ADAMTSL3: variants seen among roughly 807,000 people sequenced by gnomAD.
ADAMTSL3 encodes the protein ADAMTS-like protein 3.
ADAMTSL3 carries 128 observed loss-of-function variants against 201.7 expected under a neutral mutation model. That is an observed-to-expected ratio of 0.63 (90% CI 0.55 to 0.73). The LOEUF (loss-of-function observed/expected upper bound fraction) is 0.73, where lower values mean the gene tolerates loss of function less well. Ranked by LOEUF, ADAMTSL3 falls within the 30% of genes least tolerant of loss-of-function variation. The pLI is 0.00. For missense variants in ADAMTSL3, 1,990 were observed against 2,119.6 expected (o/e 0.94, Z 1.20); for synonymous variants, 738 against 748.4 (o/e 0.99, Z 0.23).
rs574956716 is a variant in ADAMTSL3 at position 83,970,655 on chromosome 15, G to A, written c.2644+18G>A. The stretch of plus-strand genomic sequence containing the variant: ...GTGCAGTAGTAAGTATGCGGTGTCC[G>A]CGCTTCACCAAGATATGCTGATTCT... On this transcript the variant is annotated intron_variant, in intron 20 of 29. Coordinates refer to ENST00000286744, the MANE Select transcript of ADAMTSL3 (RefSeq NM_207517.3). 18 of 1,612,604 alleles carry A rather than the reference G, an allele frequency of 1.1e-5. No homozygotes were observed. Among genetic ancestry groups the A allele is most frequent in the Admixed American group, 5.0e-5 (3 of 59,890 alleles).
intron 19 of ADAMTSL3, among the ~76,000 whole-genome samples, chr15:83,968,012 C>T (rs189305807): frequency 1.3e-4 from 20 of 152,308 alleles, no homozygotes; most frequent in African/African-American, 3.6e-4. Flanking sequence ...CCCTTCCTTA[C>T]ACCTTATACA....
chr15:83,912,609 C>T (rs1455929403), intron 15 of ADAMTSL3, among the ~76,000 whole-genome samples: 1 of 152,142 alleles, frequency 6.6e-6, no homozygotes, highest in Non-Finnish European at 1.5e-5. Flanking sequence ...AGGCTTCATC[C>T]ACTCTGTAGA....
chr15:83,965,105 C>T (rs2067053511), intron 19 of ADAMTSL3, among the ~76,000 whole-genome samples: 1 of 152,146 alleles, frequency 6.6e-6, no homozygotes, highest in Non-Finnish European at 1.5e-5. Flanking sequence ...TATGAAGAAA[C>T]TGCATCAACT....
intron 2 of ADAMTSL3, among the ~76,000 whole-genome samples, chr15:83,662,578 A>C (rs1202753470): frequency 1.4e-5 from 2 of 139,742 alleles, no homozygotes; most frequent in Non-Finnish European, 3.1e-5. Context: ...AATAAAAAAA[A>C]AAAAGAAAAA....
At position 83,686,371 on chromosome 15, in the gene ADAMTSL3, C is replaced by T. The variant is rs114134704; in HGVS notation, c.70-18018C>T. On this transcript the variant is annotated intron_variant, in intron 2 of 29. Transcript: ENST00000286744. ...TCCAAGTGTCAGAAATAGATATAGT[C>T]ACACTTTGAATTATGCTTGAGTTGC... 4.0e-3 allele frequency among the ~76,000 whole-genome samples: 605 copies of T among 152,284 alleles called. 2 individuals carry two copies. The highest frequency in any genetic ancestry group is 0.014 in the African/African-American group (574 of 41,552).
rs535496701 is a variant in ADAMTSL3, at chr15:83,657,803, A to G, written c.69+1973A>G. Among the ~76,000 whole-genome samples, 3 of 152,272 alleles carry G rather than the reference A, an allele frequency of 2.0e-5. No homozygotes were observed. The East Asian group carries it at 5.8e-4, about 29-fold the overall frequency. On this transcript the variant is annotated intron_variant, in intron 2 of 29. Transcript: ENST00000286744. ...TCAGGGAGTGTGGGTGGGCATGGCT[A>G]GGTCTGTCTCACCAGAGGCCCTGAG...
chr15:83,731,255 T>C, intron 3 of ADAMTSL3, among the ~76,000 whole-genome samples: 1 of 151,896 alleles, frequency 6.6e-6, no homozygotes, highest in East Asian at 1.9e-4. Context: ...AATGGGCAAA[T>C]GGCATTTCTC....
rs1596345049 is a variant in ADAMTSL3 at position 83,877,348 on chromosome 15, T to C, written c.960+6389T>C. On this transcript the variant is annotated intron_variant, in intron 9 of 29. Transcript: ENST00000286744. ...TGAGGTATAATAGAATCAATATTTT[T>C]TCTATATGACTGTTTAATTGACCTA... Among the ~76,000 whole-genome samples, 3 of 152,380 alleles carry C rather than the reference T, an allele frequency of 2.0e-5. No homozygotes were observed. In the East Asian group the frequency reaches 5.8e-4, roughly 29 times the overall value.
chr15:84,022,774 G>A (rs140109834), intron 26 of ADAMTSL3, among the ~76,000 whole-genome samples: 114 of 152,190 alleles, frequency 7.5e-4, no homozygotes, highest in African/African-American at 2.7e-3. Context: ...CTCTTTTATC[G>A]CTTGTCTCTC....
chr15:83,897,969 G>A lies in ADAMTSL3; in HGVS notation c.1579G>A (p.Glu527Lys), dbSNP rs1315080088. The change falls in exon 14 of 30, where the codon GAA becomes AAA. Residue 527 changes from glutamate (E) to lysine (K), a missense_variant. Transcript: ENST00000286744. ...ACAACTGAAGTTACACATCAAAGAA[G>A]AATGTGTCATTCCCATCCCGTGTTA... The part of the protein sequence containing the change: ...NPQLKLHIKE[E>K]CVIPIPCYKP... 2 of 1,613,740 alleles carry A rather than the reference G, an allele frequency of 1.2e-6. No homozygotes were observed. The highest frequency in any genetic ancestry group is 8.5e-7 in the Non-Finnish European group (1 of 1,179,750).
intron 21 of ADAMTSL3, among the ~76,000 whole-genome samples, chr15:83,986,899 C>G (rs1283577318): frequency 6.6e-6 from 1 of 152,172 alleles, no homozygotes; most frequent in African/African-American, 2.4e-5. Flanking sequence ...ATATGTGTTA[C>G]AGAATTCAAC....
intron 4 of ADAMTSL3, among the ~76,000 whole-genome samples, chr15:83,781,527 A>G (rs1452202552): frequency 1.3e-5 from 2 of 152,206 alleles, no homozygotes; most frequent in African/African-American, 4.8e-5. Context: ...CGATACCATT[A>G]TGGACATTGG....
intron 9 of ADAMTSL3, among the ~76,000 whole-genome samples, chr15:83,876,546 T>C (rs1241108096): frequency 6.6e-6 from 1 of 152,210 alleles, no homozygotes; most frequent in Non-Finnish European, 1.5e-5. Context: ...TACTTAGTGC[T>C]GTTTGTATCC....
intron 4 of ADAMTSL3, among the ~76,000 whole-genome samples, chr15:83,787,578 G>T (rs1172300847): frequency 6.6e-6 from 1 of 151,982 alleles, no homozygotes; most frequent in Non-Finnish European, 1.5e-5. Flanking sequence ...ACTCATGTAG[G>T]CTTGAGGTGA....
intron 2 of ADAMTSL3, among the ~76,000 whole-genome samples, chr15:83,702,398 A>G (rs539210272): frequency 4.6e-5 from 7 of 152,342 alleles, no homozygotes; most frequent in Middle Eastern, 3.4e-3. Flanking sequence ...TCCCAGAACT[A>G]TGGGGAAAAT....
At position 83,811,034 on chromosome 15, in the gene ADAMTSL3, C is replaced by G. The variant is rs367656142; in HGVS notation, c.363+6339C>G. Among the ~76,000 whole-genome samples the G allele has an allele frequency of 2.0e-4, 31 of 152,304 alleles. No individual in the cohort carries two copies. The East Asian group carries it at 6.0e-3, about 29-fold the overall frequency. The stretch of plus-strand genomic sequence containing the variant: ...GATTACAGGCATGAGCCACCGCACC[C>G]AGACTGAACATTTTTCTGTAGTCAT... On this transcript the variant is annotated intron_variant, in intron 5 of 29. Coordinates refer to ENST00000286744, the MANE Select transcript of ADAMTSL3 (RefSeq NM_207517.3).
intron 7 of ADAMTSL3, among the ~76,000 whole-genome samples, chr15:83,838,809 C>G (rs1181736006): frequency 6.6e-6 from 1 of 152,080 alleles, no homozygotes; most frequent in Non-Finnish European, 1.5e-5. Flanking sequence ...TAATATCTGT[C>G]CTTTAAAACA....
intron 19 of ADAMTSL3, among the ~76,000 whole-genome samples, chr15:83,964,568 G>C (rs2067040605): frequency 6.6e-6 from 1 of 152,134 alleles, no homozygotes; most frequent in Admixed American, 6.5e-5. Flanking sequence ...TGAAAGTGAG[G>C]GGAGAATGGA....
At chr15:83,772,181 C>T (rs1168371092) in intron 3 of ADAMTSL3, among the ~76,000 whole-genome samples, 2 of 152,072 alleles carry the variant, frequency 1.3e-5, no homozygotes, top group Non-Finnish European at 2.9e-5. Context: ...GTATTTATGC[C>T]ACTAGATGAA....
Sources: allele counts gnomAD v4.1 joint callset (sites outside exome capture counted in the v4.1 genomes callset), GRCh38; gene constraint gnomAD v4.1.1; transcripts MANE v1.5; gene names NCBI Gene and HGNC (gene_info 2026-07-23, HGNC 2026-07-21).